The following SMPD4 variants were observed in gnomAD, a reference collection of about 807,000 sequenced individuals.
SMPD4 encodes the protein neutral sphingomyelinase 3.
Under a neutral mutation model 97.8 loss-of-function variants are expected in SMPD4, and 58 were observed. The ratio of observed to expected loss-of-function variants is 0.59; its 90% CI spans 0.48 to 0.74. The LOEUF (loss-of-function observed/expected upper bound fraction) is 0.74, where lower values mean the gene tolerates loss of function less well. Among genes scored for constraint, SMPD4 ranks in the 30% least tolerant of loss-of-function variants. SMPD4 has a pLI of 0.00. For missense variants in SMPD4, 853 were observed against 1,080.5 expected, an observed-to-expected ratio of 0.79 and a Z score of 2.95; for synonymous variants, 388 against 450.0, an observed-to-expected ratio of 0.86 and a Z score of 1.74.
intron 15 of SMPD4, 142 bp downstream of exon 15, chr2:130,154,954 C>T: frequency 9.0e-7 from 1 of 1,109,928 alleles, no homozygotes; most frequent in Non-Finnish European, 1.3e-6. Context: ...CAGACGTGTC[C>T]CAGGAGTCTC....
chr2:130,167,654 CAG>C (rs1310561328), intron 8 of SMPD4, 64 bp from the exon 9 acceptor site: 27 of 1,519,650 alleles, frequency 1.8e-5, no homozygotes, highest in African/African-American at 4.2e-5. Context: ...CCCGCTGTAA[CAG>C]GGGCAATCTG....
rs369282577 is a variant in SMPD4 at position 130,154,164 on chromosome 2, C to T, written c.1659+113G>A. Reference sequence around the variant, plus strand: ...ACTAAAACGGGGGAAGGAGATATGGCGTCAAATCTATACCCAGCCTCCCTC... The same window carrying T: ...ACTAAAACGGGGGAAGGAGATATGGTGTCAAATCTATACCCAGCCTCCCTC... On this transcript the variant is annotated intron_variant, in intron 16 of 19. Coordinates refer to ENST00000680298, the MANE Select transcript of SMPD4 (RefSeq NM_017951.5). 243 of 1,297,596 alleles carry T rather than the reference C, an allele frequency of 1.9e-4. 1 individual carries two copies. The highest frequency in any genetic ancestry group is 1.8e-3 in the East Asian group (73 of 39,628). 80.4% of individuals were successfully genotyped at this position (1,297,596 alleles called of 1,614,324 possible).
intron 13 of SMPD4, 180 bp downstream of exon 13, chr2:130,156,405 G>A (rs1686804712): frequency 2.8e-6 from 2 of 713,872 alleles, no homozygotes; most frequent in Admixed American, 5.3e-5. Flanking sequence ...ACAGGGCAGG[G>A]CTTTCCTGAG....
chr2:130,156,862 G>T (rs754304787), intron 12 of SMPD4, 187 bp from the exon 13 acceptor site: 30 of 1,504,868 alleles, frequency 2.0e-5, no homozygotes, highest in Non-Finnish European at 2.3e-5. Flanking sequence ...ACATCCCAAG[G>T]ACACACAGCA....
At position 130,153,367 on chromosome 2, in the gene SMPD4, G is replaced by A. The variant is rs1221235089; in HGVS notation, c.1977C>T (p.Cys659=). The change falls in exon 18 of 20, where the codon TGC becomes TGT. Residue 659 remains cysteine, a synonymous_variant. Coordinates refer to ENST00000680298, the MANE Select transcript of SMPD4 (RefSeq NM_017951.5). ...DENGKKQLPD[C]IVGEDGLILT... ...GGATGAGTCCGTCCTCACCCACGAT[G>A]CAGTCGGGGAGTTGCTTTTTTCCAT... The A allele has an allele frequency of 1.9e-6, 3 of 1,613,758 alleles. No individual in the cohort carries two copies. Among genetic ancestry groups the A allele is most frequent in the Admixed American group, 3.3e-5 (2 of 60,004 alleles).
Position 130,164,526 on chromosome 2 carries a change from C to G in SMPD4, c.793-81G>C, listed in dbSNP as rs139208637. The G allele has an allele frequency of 2.0e-3, 2,326 of 1,150,514 alleles. 16 individuals are homozygous for G. The Middle Eastern group carries it at 0.032, about 16-fold the overall frequency. 71.3% of individuals were successfully genotyped at this position (1,150,514 alleles called of 1,614,324 possible). ...AGTGGGGAAAGGACAGTGTCTCCAA[C>G]AAGCAGAGCTGGGAACACAGAATAC... is the stretch of plus-strand genomic sequence containing the variant. On this transcript the variant is annotated intron_variant, in intron 9 of 19. Coordinates refer to ENST00000680298, the MANE Select transcript of SMPD4 (RefSeq NM_017951.5).
intron 11 of SMPD4, 112 bp downstream of exon 11, chr2:130,161,074 T>C (rs1433051352): frequency 2.2e-5 from 23 of 1,035,816 alleles, no homozygotes; most frequent in African/African-American, 3.2e-5. Context: ...AGGGGCTTCG[T>C]TCTGCTTGGA....
At chr2:130,181,437 G>C in intron 1 of SMPD4, 93 bp downstream of exon 1, 1 of 1,519,294 alleles carries the variant, frequency 6.6e-7, no homozygotes, top group Non-Finnish European at 8.8e-7. Flanking sequence ...CCGAGTCCTG[G>C]GGCTCGCGGA....
chr2:130,163,408 TG>T (rs1194784264), intron 10 of SMPD4, among the ~76,000 whole-genome samples: 2 of 152,288 alleles, frequency 1.3e-5, no homozygotes, highest in Non-Finnish European at 2.9e-5. Flanking sequence ...TGGCAAAGCA[TG>T]GGGCCATGGA....
At chr2:130,169,904 T>C (rs1688280890) in intron 8 of SMPD4, among the ~76,000 whole-genome samples, 1 of 152,096 alleles carries the variant, frequency 6.6e-6, no homozygotes, top group Non-Finnish European at 1.5e-5. Context: ...TGAAGTTATT[T>C]CAAAATAAAA....
At chr2:130,171,370 T>C (rs1688450630) in intron 8 of SMPD4, among the ~76,000 whole-genome samples, 1 of 152,048 alleles carries the variant, frequency 6.6e-6, no homozygotes, top group Admixed American at 6.6e-5. Context: ...CCCAAAGTGC[T>C]GGGATTACAG....
rs1686357095 is a variant in SMPD4, at chr2:130,152,774, C to T, written c.2265G>A (p.Val755=). ...TGTGGCCGGCCACCTGCCTCCGCCC[C>T]ACAGGGCTCAGCAGGTGCCTGCTGG... ...GLASRHLLSP[V]GRRQVAGHTR... The change falls in exon 20 of 20, where the codon GTG becomes GTA. Residue 755 remains valine (V), a synonymous_variant. Coordinates refer to ENST00000680298, the MANE Select transcript of SMPD4 (RefSeq NM_017951.5). The T allele has an allele frequency of 3.1e-6, 5 of 1,608,382 alleles. No homozygotes were observed. Among genetic ancestry groups the T allele is most frequent in the Non-Finnish European group, 3.4e-6 (4 of 1,178,266 alleles).
intron 15 of SMPD4, chr2:130,154,776 G>C (rs1296286449): frequency 3.4e-6 from 2 of 584,784 alleles, no homozygotes; most frequent in Non-Finnish European, 6.1e-6. Context: ...CAGAGACCAG[G>C]CTCACCTCCT....
At chr2:130,181,415 C>T in intron 1 of SMPD4, 115 bp downstream of exon 1, 1 of 1,494,628 alleles carries the variant, frequency 6.7e-7, no homozygotes, top group South Asian at 1.3e-5. Flanking sequence ...TGGGCAGAGC[C>T]GGCTGGCCGG....
At position 130,152,069 on chromosome 2, in the gene SMPD4, A is replaced by G. The variant is rs1686292330; in HGVS notation, c.*486T>C. 6.5e-6 allele frequency: 1 copy of G among 154,998 alleles called. No individual in the cohort carries two copies. Among genetic ancestry groups the G allele is most frequent in the South Asian group, 2.0e-4 (1 of 4,902 alleles). The allele number at this position is 154,998 out of a possible 1,614,324, so 9.6% of individuals were successfully genotyped here. ...CTCTCTGGTTTTCTCACAACTCTAG[A>G]AACTTTGATTCTTTCCTGGAGTGGA... On this transcript the variant is annotated 3_prime_UTR_variant, in exon 20 of 20. Coordinates refer to ENST00000680298, the MANE Select transcript of SMPD4 (RefSeq NM_017951.5).
intron 11 of SMPD4, among the ~76,000 whole-genome samples, chr2:130,160,589 C>T (rs1385494568): frequency 1.6e-4 from 24 of 152,216 alleles, no homozygotes; most frequent in Admixed American, 1.5e-3. Flanking sequence ...GTATGAGCGG[C>T]CAGGGCTCCC....
chr2:130,165,109 A>T (rs1349026627), intron 9 of SMPD4, among the ~76,000 whole-genome samples: 40 of 84,996 alleles, frequency 4.7e-4, no homozygotes, highest in African/African-American at 8.8e-4. Flanking sequence ...ACTCTGATTT[A>T]AAAAAAAAAA....
intron 9 of SMPD4, among the ~76,000 whole-genome samples, chr2:130,165,219 G>C (rs185010632): frequency 6.7e-6 from 1 of 150,318 alleles, no homozygotes; most frequent in African/African-American, 2.4e-5. Flanking sequence ...TCAGGAGTTC[G>C]AGACCAGCCT....
chr2:130,163,191 C>T (rs942939757), intron 10 of SMPD4, among the ~76,000 whole-genome samples: 2 of 152,260 alleles, frequency 1.3e-5, no homozygotes, highest in African/African-American at 2.4e-5. Context: ...CAGAGCCCCA[C>T]GGGAGGAGCA....
Sources: gnomAD v4.1 joint callset for allele counts (sites outside exome capture counted in the v4.1 genomes callset) on GRCh38, gnomAD v4.1.1 for gene constraint, MANE v1.5 for transcripts, NCBI Gene and HGNC (gene_info 2026-07-23, HGNC 2026-07-21) for gene names.